The following WDR41 variants were observed in gnomAD, a reference collection of about 807,000 sequenced individuals.
WDR41 encodes the protein WD repeat-containing protein 41.
A neutral mutation model predicts 69.3 loss-of-function variants in WDR41; 63 were observed. That is an observed-to-expected ratio of 0.91 (90% CI 0.74 to 1.12). The LOEUF (loss-of-function observed/expected upper bound fraction) is 1.12, where lower values mean the gene tolerates loss of function less well. Ranked by LOEUF, WDR41 falls within the 50% of genes most tolerant of loss-of-function variation. The pLI is 0.00. For missense variants in WDR41, 543 were observed against 534.5 expected (o/e 1.02, Z -0.16); for synonymous variants, 185 against 192.1 (o/e 0.96, Z 0.31).
intron 5 of WDR41, among the ~76,000 whole-genome samples, chr5:77,456,499 T>C (rs1384113668): frequency 1.3e-5 from 2 of 152,236 alleles, no homozygotes; most frequent in African/African-American, 4.8e-5. Context: ...ATTTTCTATA[T>C]ACACAAGATC....
intron 1 of WDR41, among the ~76,000 whole-genome samples, chr5:77,527,092 G>A (rs1440483978): frequency 2.6e-5 from 4 of 151,856 alleles, no homozygotes; most frequent in African/African-American, 9.7e-5. Flanking sequence ...CATCCCATTA[G>A]CCTAAGTTTA....
At chr5:77,481,420 C>T (rs1285761798) in intron 2 of WDR41, among the ~76,000 whole-genome samples, 1 of 151,912 alleles carries the variant, frequency 6.6e-6, no homozygotes, top group Non-Finnish European at 1.5e-5. Context: ...CTTCAGTTGC[C>T]CCAGGGATTC....
chr5:77,461,807 C>T (rs1311871870), intron 4 of WDR41, among the ~76,000 whole-genome samples: 3 of 151,054 alleles, frequency 2.0e-5, no homozygotes, highest in Non-Finnish European at 2.9e-5. Context: ...TACTGCACTC[C>T]AGCTTGGGCA....
intron 1 of WDR41, among the ~76,000 whole-genome samples, chr5:77,614,896 G>C (rs1744648166): frequency 6.6e-6 from 1 of 151,964 alleles, no homozygotes; most frequent in African/African-American, 2.4e-5. Flanking sequence ...TCAGAAAACA[G>C]GGCATTCTAC....
At chr5:77,444,425 G>A (rs2151296225) in intron 8 of WDR41, among the ~76,000 whole-genome samples, 1 of 152,236 alleles carries the variant, frequency 6.6e-6, no homozygotes, top group South Asian at 2.1e-4. Flanking sequence ...TAAAATAAAG[G>A]AGCACCCAGA....
chr5:77,594,660 A>G (rs1406198550), intron 1 of WDR41, among the ~76,000 whole-genome samples: 2 of 152,176 alleles, frequency 1.3e-5, no homozygotes, highest in Non-Finnish European at 2.9e-5. Context: ...ACAGGCTAGA[A>G]GTCTACTTCT....
upstream of WDR41, among the ~76,000 whole-genome samples, chr5:77,496,355 A>G (rs1017156026): frequency 1.3e-5 from 2 of 152,070 alleles, no homozygotes; most frequent in South Asian, 4.1e-4. Flanking sequence ...GACCCTATAT[A>G]TAGAAAATCC....
chr5:77,543,159 C>T (rs1440980364), intron 1 of WDR41, among the ~76,000 whole-genome samples: 7 of 152,136 alleles, frequency 4.6e-5, no homozygotes, highest in Non-Finnish European at 7.4e-5. Flanking sequence ...GAATAACAGC[C>T]TTCAGCCCTA....
chr5:77,468,281 A>C (rs1440167515), intron 2 of WDR41, among the ~76,000 whole-genome samples: 5 of 152,146 alleles, frequency 3.3e-5, no homozygotes, highest in Non-Finnish European at 7.4e-5. Context: ...CCTAAGAATA[A>C]AGATCAAGAG....
chr5:77,588,163 T>C (rs970359865), intron 1 of WDR41, among the ~76,000 whole-genome samples: 4 of 152,218 alleles, frequency 2.6e-5, no homozygotes, highest in Non-Finnish European at 5.9e-5. Context: ...AGTAGTTGCT[T>C]ACATATTGGG....
chr5:77,546,618 T>C lies in WDR41; in HGVS notation c.43-57046A>G, dbSNP rs538237340. Among the ~76,000 whole-genome samples, 14 of 152,176 alleles carry C rather than the reference T, an allele frequency of 9.2e-5. No individual in the cohort carries two copies. The South Asian group carries it at 2.5e-3, about 27-fold the overall frequency. On this transcript the variant is annotated intron_variant, in intron 1 of 5. Coordinates refer to the WDR41 transcript ENST00000509971. ...AACAGACCAATAACAAGCAGTGAGA[T>C]TGAAATGGTAATTTAAAAATTACCA...
intron 2 of WDR41, among the ~76,000 whole-genome samples, chr5:77,471,392 C>T (rs1252446016): frequency 3.9e-5 from 6 of 152,030 alleles, no homozygotes; most frequent in Admixed American, 2.6e-4. Flanking sequence ...CAAACACATT[C>T]GAAAGCCAGC....
intron 1 of WDR41, among the ~76,000 whole-genome samples, chr5:77,599,366 A>C (rs920928456): frequency 1.3e-5 from 2 of 151,842 alleles, no homozygotes; most frequent in Admixed American, 1.3e-4. Context: ...AAGCCTGGCT[A>C]ATTTTGTATT....
chr5:77,471,753 A>G (rs7719865), intron 2 of WDR41, among the ~76,000 whole-genome samples: 95,120 of 151,740 alleles, frequency 0.63, 31,351 homozygotes, highest in African/African-American at 0.83. Flanking sequence ...TGAATAGACC[A>G]ATAACAGGAT....
chr5:77,489,856 T>A (rs1247463138), intron 1 of WDR41, among the ~76,000 whole-genome samples: 1 of 152,206 alleles, frequency 6.6e-6, no homozygotes, highest in Non-Finnish European at 1.5e-5. Flanking sequence ...TTATTTTATG[T>A]AAATTGTATC....
chr5:77,469,151 C>T (rs1800440099), intron 2 of WDR41, among the ~76,000 whole-genome samples: 1 of 152,038 alleles, frequency 6.6e-6, no homozygotes, highest in African/African-American at 2.4e-5. Context: ...GACAAAAAAC[C>T]AAACACCACA....
At chr5:77,620,056 A>G (rs1360640951) in intron 1 of WDR41, among the ~76,000 whole-genome samples, 1 of 152,160 alleles carries the variant, frequency 6.6e-6, no homozygotes, top group Non-Finnish European at 1.5e-5. Context: ...TACAGTGTAA[A>G]TAATAAGAAA....
At chr5:77,500,365 T>C (rs60131806) in intron 1 of WDR41, among the ~76,000 whole-genome samples, 104 of 152,082 alleles carry the variant, frequency 6.8e-4, no homozygotes, top group African/African-American at 2.3e-3. Context: ...TCAGTGAACT[T>C]AAATGGAGAA....
intron 1 of WDR41, among the ~76,000 whole-genome samples, chr5:77,608,635 C>T (rs1170476310): frequency 2.6e-5 from 4 of 152,164 alleles, no homozygotes; most frequent in South Asian, 2.1e-4. Flanking sequence ...CTCTTCTGTA[C>T]CTAATTCCAT....
Sources: gnomAD v4.1 joint callset for allele counts (sites outside exome capture counted in the v4.1 genomes callset) on GRCh38, gnomAD v4.1.1 for gene constraint, MANE v1.5 for transcripts, NCBI Gene and HGNC (gene_info 2026-07-23, HGNC 2026-07-21) for gene names.